BTNL8: variants seen among roughly 807,000 people sequenced by gnomAD.
BTNL8 encodes the protein butyrophilin-like protein 8.
A neutral mutation model predicts 36.1 loss-of-function variants in BTNL8; 22 were observed. The ratio of observed to expected loss-of-function variants is 0.61; its 90% confidence interval spans 0.44 to 0.87. The LOEUF is 0.87. BTNL8 is among the 40% of genes least tolerant of loss of function. BTNL8 has a pLI of 0.00. For synonymous variants in BTNL8, 203 were observed against 235.6 expected, an observed-to-expected ratio of 0.86 and a Z score of 1.27; for missense variants, 526 against 616.9, an observed-to-expected ratio of 0.85 and a Z score of 1.56.
chr5:180,905,168 G>A, intron 1 of BTNL8, among the ~76,000 whole-genome samples: 1 of 150,410 alleles, frequency 6.6e-6, no homozygotes, highest in East Asian at 2.0e-4. Context: ...GACTCTTTTT[G>A]GTTGGTAAGC....
intron 3 of BTNL8, among the ~76,000 whole-genome samples, chr5:180,925,658 C>T (rs1238904430): frequency 8.6e-5 from 13 of 151,980 alleles, no homozygotes; most frequent in Non-Finnish European, 1.2e-4. Context: ...CTAAAGGGAG[C>T]CCTTTAACTA....
rs371186165 is a variant in BTNL8 at position 180,939,290 on chromosome 5, A to G, written c.674-8222A>G. On this transcript the variant is annotated intron_variant, in intron 3 of 7. Coordinates refer to ENST00000340184, the MANE Select transcript of BTNL8 (RefSeq NM_001040462.3). ...GAATGAATAAATGAAAAAAGATCCC[A>G]TTATATGGTGCCCAGAAGAAACTCA... Among the ~76,000 whole-genome samples, 31 of 152,304 alleles carry G rather than the reference A, an allele frequency of 2.0e-4. No individual in the cohort carries two copies. In the East Asian group the frequency reaches 5.4e-3, roughly 27 times the overall value.
At chr5:180,948,267 G>C (rs1725700890) in intron 4 of BTNL8, 88 bp from the exon 5 acceptor site, 1 of 1,457,172 alleles carries the variant, frequency 6.9e-7, no homozygotes, top group African/African-American at 1.4e-5. Context: ...CACACCTGCA[G>C]CTCGTCCCAC....
At chr5:180,933,327 A>C (rs1758493915) in intron 3 of BTNL8, among the ~76,000 whole-genome samples, 2 of 152,192 alleles carry the variant, frequency 1.3e-5, no homozygotes, top group Non-Finnish European at 2.9e-5. Context: ...CCATATACAG[A>C]ATATTCTATC....
intron 3 of BTNL8, among the ~76,000 whole-genome samples, chr5:180,915,909 G>C (rs182925122): frequency 3.3e-5 from 5 of 152,264 alleles, no homozygotes; most frequent in South Asian, 2.1e-4. Flanking sequence ...AAGGCCATAC[G>C]TAACATGCCC....
chr5:180,915,916 G>A (rs1001874812), intron 3 of BTNL8, among the ~76,000 whole-genome samples: 8 of 152,184 alleles, frequency 5.3e-5, no homozygotes, highest in Non-Finnish European at 1.0e-4. Flanking sequence ...TACGTAACAT[G>A]CCCACAGAGC....
At chr5:180,937,830 A>T (rs1418269650) in intron 3 of BTNL8, among the ~76,000 whole-genome samples, 1 of 152,170 alleles carries the variant, frequency 6.6e-6, no homozygotes, top group Non-Finnish European at 1.5e-5. Context: ...CAAAATAATG[A>T]TCTTAAGAAC....
chr5:180,941,981 A>C (rs796896609), intron 3 of BTNL8, among the ~76,000 whole-genome samples: 33 of 150,740 alleles, frequency 2.2e-4, no homozygotes, highest in African/African-American at 8.1e-4. Flanking sequence ...ATGGCATCTA[A>C]ATTGGAAAGG....
At chr5:180,942,186 A>G (rs575961678) in intron 3 of BTNL8, among the ~76,000 whole-genome samples, 57 of 152,342 alleles carry the variant, frequency 3.7e-4, no homozygotes, top group South Asian at 2.9e-3. Flanking sequence ...AAGCAGTATC[A>G]TTTACAATAG....
At chr5:180,907,253 C>T (rs139866919) in intron 1 of BTNL8, among the ~76,000 whole-genome samples, 5,078 of 122,362 alleles carry the variant, frequency 0.041, 1,060 homozygotes, top group African/African-American at 0.14. Context: ...GACTTCCCTT[C>T]TTGCTTCATT....
Position 180,908,723 on chromosome 5 carries a change from G to T in BTNL8, c.187G>T (p.Val63Leu). Residue 63 changes from valine to leucine, a missense_variant, in exon 2 of 8, where the codon GTG (valine) becomes TTG (leucine). By Grantham distance (32) the Val-to-Leu change is conservative (BLOSUM62 1). Transcript: ENST00000340184. Reference protein sequence around the residue: ...VRFFRGQFSSVVHLYRDGKDQ... With the variant: ...VRFFRGQFSSLVHLYRDGKDQ... ...GTTCTTCAGGGGCCAGTTCTCTAGCGTGGTCCACCTCTACAGGGACGGGAA... is the reference window on the plus strand; with the variant it reads ...GTTCTTCAGGGGCCAGTTCTCTAGCTTGGTCCACCTCTACAGGGACGGGAA... 6.2e-7 allele frequency: 1 copy of T among 1,614,200 alleles called. No individual in the cohort carries two copies. Among genetic ancestry groups the T allele is most frequent in the Non-Finnish European group, 8.5e-7 (1 of 1,180,040 alleles).
intron 3 of BTNL8, among the ~76,000 whole-genome samples, chr5:180,945,208 G>A (rs1234089576): frequency 6.6e-6 from 1 of 152,196 alleles, no homozygotes; most frequent in African/African-American, 2.4e-5. Flanking sequence ...AAGAACACAG[G>A]ATGAAGAAAG....
intron 1 of BTNL8, 64 bp from the exon 2 acceptor site, chr5:180,908,522 T>C: frequency 6.6e-7 from 1 of 1,523,358 alleles, no homozygotes; most frequent in Non-Finnish European, 8.9e-7. Flanking sequence ...TATTCGGCCA[T>C]CTTGGCTCCT....
chr5:180,913,652 C>A lies in BTNL8; in HGVS notation c.673+2038C>A, dbSNP rs35257475. Among the ~76,000 whole-genome samples the A allele has an allele frequency of 8.4e-3, 1,281 of 152,304 alleles. 12 individuals carry two copies. The highest frequency in any genetic ancestry group is 0.014 in the Non-Finnish European group (939 of 68,030). ...GTTGCAGCTCAGAGTGTTAGAAAGGCCTCTATCGTTTGGTTGGCTGAAGCA... is the reference window on the plus strand; with the variant it reads ...GTTGCAGCTCAGAGTGTTAGAAAGGACTCTATCGTTTGGTTGGCTGAAGCA... On this transcript the variant is annotated intron_variant, in intron 3 of 7. Transcript: ENST00000340184.
In BTNL8 at chr5:180,911,536, G is replaced by T. The variant is rs750568279; in HGVS notation, c.595G>T (p.Glu199Ter). 1.2e-6 allele frequency: 2 copies of T among 1,613,326 alleles called. No individual in the cohort carries two copies. Among genetic ancestry groups the T allele is most frequent in the South Asian group, 2.2e-5 (2 of 91,030 alleles). ...TGTGGAGATCTCTCTGACCGTCCAAGAGAACGCCGGGAGCATATCCTGTTC... is the reference window on the plus strand; with the variant it reads ...TGTGGAGATCTCTCTGACCGTCCAATAGAACGCCGGGAGCATATCCTGTTC... ...FDVEISLTVQ[E>*]NAGSISCSMR... The change falls in exon 3 of 8, where the codon GAG (glutamate) becomes TAG (stop). Residue 199 changes from glutamate (E) to a stop codon, truncating the protein, a stop_gained. Transcript: ENST00000340184. LOFTEE classifies it high-confidence loss of function.
At chr5:180,943,262 G>A (rs1561946440) in intron 3 of BTNL8, among the ~76,000 whole-genome samples, 1 of 150,718 alleles carries the variant, frequency 6.6e-6, no homozygotes, top group East Asian at 2.0e-4. Context: ...AGCCTCCCGA[G>A]TAGCTGGGAT....
At chr5:180,921,375 T>C (rs1757852381) in intron 3 of BTNL8, among the ~76,000 whole-genome samples, 1 of 151,994 alleles carries the variant, frequency 6.6e-6, no homozygotes, top group African/African-American at 2.4e-5. Flanking sequence ...TGGATGAACA[T>C]GGAGGACATT....
intron 3 of BTNL8, among the ~76,000 whole-genome samples, chr5:180,926,817 C>T (rs909253266): frequency 6.6e-6 from 1 of 152,180 alleles, no homozygotes; most frequent in African/African-American, 2.4e-5. Flanking sequence ...AGGCAGCAGC[C>T]CCAGTCAAGG....
Position 180,949,083 on chromosome 5 carries a change from G to A in BTNL8, c.835+137G>A, listed in dbSNP as rs141493513. 3.4e-4 allele frequency: 409 copies of A among 1,196,934 alleles called. 68 individuals carry two copies. Among genetic ancestry groups the A allele is most frequent in the Non-Finnish European group, 4.6e-4 (397 of 858,320 alleles). 74.1% of individuals were successfully genotyped at this position (1,196,934 alleles called of 1,614,324 possible). ...GAACTCTGAAATTGCAGATTCTGGG[G>A]GAGGTGCATTTTGTAGAGAAGCCCC... On this transcript the variant is annotated intron_variant, in intron 6 of 7. Coordinates refer to ENST00000340184, the MANE Select transcript of BTNL8 (RefSeq NM_001040462.3).
Sources: gnomAD v4.1 joint callset for allele counts (sites outside exome capture counted in the v4.1 genomes callset) on GRCh38, gnomAD v4.1.1 for gene constraint, MANE v1.5 for transcripts, NCBI Gene and HGNC (gene_info 2026-07-23, HGNC 2026-07-21) for gene names.